KSR1: variants seen among roughly 807,000 people sequenced by gnomAD.
KSR1 encodes the protein kinase suppressor of ras 1.
Under a neutral mutation model 92.9 loss-of-function variants are expected in KSR1, and 35 were observed. The observed-to-expected ratio is 0.38, with a 90% CI of 0.29 to 0.50. The LOEUF is 0.50. Ranked by LOEUF, KSR1 falls within the 20% of genes least tolerant of loss-of-function variation. The pLI is 0.94. For missense variants in KSR1, 972 were observed against 1,158.5 expected (o/e 0.84, Z 2.34); for synonymous variants, 467 against 472.6 (o/e 0.99, Z 0.15).
intron 1 of KSR1, among the ~76,000 whole-genome samples, chr17:27,476,582 AG>A (rs2068354634): frequency 6.6e-6 from 1 of 152,216 alleles, no homozygotes. Flanking sequence ...CAACACTCAC[AG>A]GGTCCACATT....
chr17:27,605,211 C>T (rs2073707794), intron 13 of KSR1, among the ~76,000 whole-genome samples: 1 of 152,222 alleles, frequency 6.6e-6, no homozygotes, highest in South Asian at 2.1e-4. Context: ...TGAAGGGCCT[C>T]AGGTCACCGG....
At chr17:27,614,901 C>T (rs1405005058) in intron 18 of KSR1, among the ~76,000 whole-genome samples, 3 of 152,136 alleles carry the variant, frequency 2.0e-5, no homozygotes, top group Non-Finnish European at 4.4e-5. Context: ...GAACATTGGT[C>T]AACGCAATAA....
chr17:27,491,816 G>A (rs566804638), intron 1 of KSR1, among the ~76,000 whole-genome samples: 78 of 152,222 alleles, frequency 5.1e-4, no homozygotes, highest in African/African-American at 1.8e-3. Context: ...AGAGCTCAGG[G>A]GCTCCGACTG....
chr17:27,491,200 C>T (rs889922376), intron 1 of KSR1, among the ~76,000 whole-genome samples: 7 of 152,018 alleles, frequency 4.6e-5, no homozygotes, highest in Non-Finnish European at 7.4e-5. Context: ...TACTAGCTCA[C>T]GGTAGCCTCA....
At chr17:27,529,333 G>A (rs1261670812) in intron 1 of KSR1, among the ~76,000 whole-genome samples, 2 of 152,108 alleles carry the variant, frequency 1.3e-5, no homozygotes, top group African/African-American at 4.8e-5. Flanking sequence ...ACACCAGAAT[G>A]TAGTTACCTA....
chr17:27,608,580 G>T (rs2151241382), intron 15 of KSR1, among the ~76,000 whole-genome samples: 1 of 152,224 alleles, frequency 6.6e-6, no homozygotes, highest in South Asian at 2.1e-4. Context: ...CGCTTGATAG[G>T]TGAGGAAACC....
At chr17:27,565,770 C>T (rs2072037157) in intron 2 of KSR1, among the ~76,000 whole-genome samples, 1 of 152,184 alleles carries the variant, frequency 6.6e-6, no homozygotes. Flanking sequence ...TAATTATGAA[C>T]ATCCATTGTA....
rs530197331 is a variant in KSR1 at position 27,491,800 on chromosome 17, A to G, written c.231+34926A>G. On this transcript the variant is annotated intron_variant, in intron 1 of 20. Coordinates refer to ENST00000644974, the MANE Select transcript of KSR1 (RefSeq NM_001394583.1). The stretch of plus-strand genomic sequence containing the variant: ...AAGTGGCCGGCTGTTTAGTGTGTGC[A>G]GCAGGAGAGCTCAGGGGCTCCGACT... Among the ~76,000 whole-genome samples, 214 of 152,242 alleles carry G rather than the reference A, an allele frequency of 1.4e-3. 1 individual carries two copies. Among genetic ancestry groups the G allele is most frequent in the African/African-American group, 5.1e-3 (210 of 41,552 alleles).
At chr17:27,611,673 G>C in intron 18 of KSR1, 44 bp downstream of exon 18, 1 of 1,611,146 alleles carries the variant, frequency 6.2e-7, no homozygotes, top group Non-Finnish European at 8.5e-7. Context: ...GCTGGAGGTG[G>C]GGTGGGGCAT....
Position 27,607,976 on chromosome 17 carries a change from A to G in KSR1, c.2057A>G (p.Asn686Ser), listed in dbSNP as rs1030657750. The change falls in exon 15 of 21, where the codon AAC (asparagine) becomes AGC (serine). Residue 686 changes from asparagine (N) to serine (S), a missense_variant. Asn to Ser is a conservative substitution (Grantham distance 46, BLOSUM62 1). Transcript: ENST00000644974. ...VRDPKTSLDI[N>S]KTRQIAQEII... ...GACCCCAAGACGTCTCTGGACATCA[A>G]CAAGACGAGGCAAATCGCTCAGGAG... 6.2e-7 allele frequency: 1 copy of G among 1,610,732 alleles called. No individual in the cohort carries two copies.
intron 10 of KSR1, among the ~76,000 whole-genome samples, chr17:27,598,314 G>A (rs2073420339): frequency 6.6e-6 from 1 of 152,212 alleles, no homozygotes; most frequent in Admixed American, 6.5e-5. Context: ...ATAGAGTCCA[G>A]GTCAGGCCCC....
At chr17:27,538,874 CT>C (rs2070855213) in intron 1 of KSR1, among the ~76,000 whole-genome samples, 1 of 152,188 alleles carries the variant, frequency 6.6e-6, no homozygotes, top group African/African-American at 2.4e-5. Flanking sequence ...GCCCTTTGTC[CT>C]TTTCTGTGAT....
chr17:27,583,351 AG>A (rs1300032190), intron 4 of KSR1, among the ~76,000 whole-genome samples: 3 of 152,266 alleles, frequency 2.0e-5, no homozygotes, highest in African/African-American at 7.2e-5. Context: ...AGGGTAGGCC[AG>A]GTTACACAGA....
Position 27,605,464 on chromosome 17 carries a change from G to T in KSR1, c.1645G>T (p.Ala549Ser). The T allele has an allele frequency of 1.2e-6, 2 of 1,609,486 alleles. No individual in the cohort carries two copies. Among genetic ancestry groups the T allele is most frequent in the African/African-American group, 1.3e-5 (1 of 75,028 alleles). Residue 549 changes from alanine to serine, a missense_variant, in exon 14 of 21, where the codon GCA becomes TCA. Ala to Ser is a moderately conservative substitution (Grantham distance 99). This residue lies in a region of KSR1 where 611 missense variants were observed against 668.0 expected (regional missense o/e 0.91). Coordinates refer to ENST00000644974, the MANE Select transcript of KSR1 (RefSeq NM_001394583.1). ...AEEPEAGKSE[A>S]EDDEDEVDDL... ...GGAGCCAGAGGCTGGCAAGTCAGAG[G>T]CAGAAGACGATGAGGACGAGGTGGA...
chr17:27,508,228 C>A (rs1300531367), intron 1 of KSR1, among the ~76,000 whole-genome samples: 1 of 152,114 alleles, frequency 6.6e-6, no homozygotes, highest in Non-Finnish European at 1.5e-5. Context: ...GAGGCGTGGA[C>A]ATGGGTTTGA....
At chr17:27,488,031 A>G (rs974050506) in intron 1 of KSR1, among the ~76,000 whole-genome samples, 28 of 152,162 alleles carry the variant, frequency 1.8e-4, no homozygotes, top group Admixed American at 1.5e-3. Context: ...TATTCAAACT[A>G]TATCACATAC....
intron 1 of KSR1, among the ~76,000 whole-genome samples, chr17:27,488,851 C>G (rs574401515): frequency 6.6e-6 from 1 of 152,350 alleles, no homozygotes; most frequent in South Asian, 2.1e-4. Flanking sequence ...GCAGTCCCAG[C>G]TACTCGGGAG....
intron 1 of KSR1, among the ~76,000 whole-genome samples, chr17:27,544,693 C>T (rs1234341097): frequency 1.3e-5 from 2 of 152,242 alleles, no homozygotes; most frequent in Non-Finnish European, 2.9e-5. Flanking sequence ...CTGGTCCCAT[C>T]CCTGAAACCC....
intron 1 of KSR1, among the ~76,000 whole-genome samples, chr17:27,509,341 G>A (rs988346340): frequency 3.3e-5 from 5 of 151,546 alleles, no homozygotes; most frequent in Admixed American, 1.3e-4. Context: ...CCCAGGCTGG[G>A]GTGCAGTGGT....
Sources: gnomAD v4.1 joint callset for allele counts (sites outside exome capture counted in the v4.1 genomes callset) on GRCh38, gnomAD v4.1.1 for gene constraint, gnomAD v4.1.1 regional missense constraint, MANE v1.5 for transcripts, NCBI Gene and HGNC (gene_info 2026-07-23, HGNC 2026-07-21) for gene names.